Variants in MYCBPAP observed in about 807,000 individuals in gnomAD.
MYCBPAP encodes the protein MYCBP associated protein.
Under a neutral mutation model 106.1 loss-of-function variants are expected in MYCBPAP, and 60 were observed. That is an observed-to-expected ratio of 0.57 (90% confidence interval 0.46 to 0.70). MYCBPAP has a LOEUF of 0.70. MYCBPAP is among the 30% of genes least tolerant of loss of function. The probability of loss-of-function intolerance (pLI) is 0.00; values close to 1 mark genes in which losing one functional copy is unlikely to be tolerated. For synonymous variants in MYCBPAP, 407 were observed against 440.6 expected (o/e 0.92, Z 0.95); for missense variants, 1,064 against 1,169.3 (o/e 0.91, Z 1.31).
At chr17:50,520,009 T>C (rs1249947524) in intron 7 of MYCBPAP, 2 of 524,458 alleles carry the variant, frequency 3.8e-6, no homozygotes, top group Non-Finnish European at 6.7e-6. Flanking sequence ...AGTGCAGCCA[T>C]AGAGCTGCCG....
chr17:50,523,186 C>A, intron 11 of MYCBPAP, 58 bp downstream of exon 11: 1 of 1,547,460 alleles, frequency 6.5e-7, no homozygotes. Flanking sequence ...TTTTGTCCTC[C>A]GTGAGACATC....
chr17:50,522,182 G>T (rs531857680), intron 10 of MYCBPAP, 101 bp downstream of exon 10: 1 of 879,036 alleles, frequency 1.1e-6, no homozygotes, highest in Non-Finnish European at 1.8e-6. Flanking sequence ...TCCTGTTTGG[G>T]TTTTTATCTG....
Position 50,508,577 on chromosome 17 carries a change from G to T in MYCBPAP, c.-98G>T, listed in dbSNP as rs748934442. On this transcript the variant is annotated 5_prime_UTR_variant, in exon 1 of 19. Coordinates refer to ENST00000323776, the MANE Select transcript of MYCBPAP (RefSeq NM_032133.6). ...GCCCCCGCGCGGGGCACCGGTTGCT[G>T]TGGACGCAGTGGCGGCCGTTGGCTG... The T allele has an allele frequency of 3.2e-6, 5 of 1,552,228 alleles. No individual in the cohort carries two copies. The highest frequency in any genetic ancestry group is 4.4e-6 in the Non-Finnish European group (5 of 1,147,504).
At position 50,530,497 on chromosome 17, in the gene MYCBPAP, C is replaced by CAAAAAAA. The variant is rs10526790; in HGVS notation, c.2725-827_2725-821dup. Among the ~76,000 whole-genome samples the CAAAAAAA allele has an allele frequency of 2.5e-4, 26 of 105,918 alleles. 3 individuals carry two copies. The highest frequency in any genetic ancestry group is 4.0e-4 in the Admixed American group (4 of 9,982). The allele number at this position is 105,918 out of a possible 152,430, so 69.5% of individuals were successfully genotyped here. A position where few individuals can be genotyped will look rare whatever the true frequency, so the allele number is the denominator to read the frequency against. On this transcript the variant is annotated intron_variant, in intron 18 of 18. Transcript: ENST00000323776. Reference sequence around the variant, plus strand: ...GTGACAAGAGTGAGACTCTTACCTCCAAAAAAAAAGAATCAACTTGCTGGC... The same window carrying CAAAAAAA: ...GTGACAAGAGTGAGACTCTTACCTCCAAAAAAAAAAAAAAAAGAATCAACTTGCTGGC...
At chr17:50,514,574 C>T (rs1236872101) in intron 1 of MYCBPAP, among the ~76,000 whole-genome samples, 2 of 152,206 alleles carry the variant, frequency 1.3e-5, no homozygotes, top group African/African-American at 4.8e-5. Flanking sequence ...CTGTGACCCC[C>T]TTCTGCCCCG....
At chr17:50,516,462 C>G in intron 1 of MYCBPAP, 108 bp from the exon 2 acceptor site, 2 of 1,327,810 alleles carry the variant, frequency 1.5e-6, no homozygotes, top group Non-Finnish European at 2.0e-6. Flanking sequence ...CAGCTCTGCC[C>G]CCCACCATGG....
intron 13 of MYCBPAP, chr17:50,525,232 TC>T: frequency 2.0e-6 from 1 of 504,666 alleles, no homozygotes; most frequent in South Asian, 3.2e-5. Context: ...AATTGTACAC[TC>T]CTTATGAGAA....
At chr17:50,522,886 C>G in intron 10 of MYCBPAP, 53 bp from the exon 11 acceptor site, 1 of 1,553,292 alleles carries the variant, frequency 6.4e-7, no homozygotes, top group Non-Finnish European at 8.8e-7. Context: ...ATGAGTTGTT[C>G]ACTCTAGGCC....
chr17:50,522,464 GTGGGT>G, intron 10 of MYCBPAP: 2 of 169,300 alleles, frequency 1.2e-5, no homozygotes, highest in Admixed American at 5.6e-5. Context: ...GGAGGCTGAC[GTGGGT>G]GGATCACCTG....
rs1194633778 is a variant in MYCBPAP at position 50,508,594 on chromosome 17, C to T, written c.-81C>T. ...CGGTTGCTGTGGACGCAGTGGCGGC[C>T]GTTGGCTGGCGGGTGCGGCGCAGCC... On this transcript the variant is annotated 5_prime_UTR_variant, in exon 1 of 19. Transcript: ENST00000323776. 3 of 1,556,900 alleles carry T rather than the reference C, an allele frequency of 1.9e-6. No homozygotes were observed. In the East Asian group the frequency reaches 7.3e-5, roughly 38 times the overall value.
At chr17:50,518,439 C>T (rs574151877) in intron 4 of MYCBPAP, 102 bp from the exon 5 acceptor site, 115 of 1,011,876 alleles carry the variant, frequency 1.1e-4, no homozygotes, top group Admixed American at 9.1e-4. Flanking sequence ...GGACTCTCAG[C>T]GCAGTGGGAT....
At chr17:50,522,765 G>C (rs55844504) in intron 10 of MYCBPAP, 174 bp from the exon 11 acceptor site, 1 of 394,978 alleles carries the variant, frequency 2.5e-6, no homozygotes. Context: ...GGTAACCTCA[G>C]AGACAACCAC....
intron 1 of MYCBPAP, among the ~76,000 whole-genome samples, chr17:50,514,338 G>A (rs1010326185): frequency 2.6e-5 from 4 of 152,136 alleles, no homozygotes; most frequent in African/African-American, 9.7e-5. Context: ...TAAAGATTAC[G>A]GTGCTGTAAG....
chr17:50,513,699 A>C (rs916734897), intron 1 of MYCBPAP, among the ~76,000 whole-genome samples: 1 of 152,230 alleles, frequency 6.6e-6, no homozygotes, highest in Non-Finnish European at 1.5e-5. Context: ...TCACTTGGAA[A>C]GATGTCAACC....
chr17:50,508,550 G>GC lies in MYCBPAP; in HGVS notation c.-124dup. 6.5e-7 allele frequency: 1 copy of GC among 1,542,846 alleles called. No individual in the cohort carries two copies. The highest frequency in any genetic ancestry group is 8.7e-7 in the Non-Finnish European group (1 of 1,144,802). The stretch of plus-strand genomic sequence containing the variant: ...TCCGCCCAAGTTGATCGGTGGATGC[G>GC]CGCCCCCGCGCGGGGCACCGGTTGC... On this transcript the variant is annotated 5_prime_UTR_variant, in exon 1 of 19. Coordinates refer to ENST00000323776, the MANE Select transcript of MYCBPAP (RefSeq NM_032133.6).
chr17:50,519,654 T>G lies in MYCBPAP; in HGVS notation c.783T>G (p.Ser261Arg). The stretch of plus-strand genomic sequence containing the variant: ...TTCCTTGCCAGAGCTGGGAGAACAG[T>G]GGGTTCTGGAGTCGACTGGAATACT... Reference protein sequence around the residue: ...TRRDRKSWENSGFWSRLEYLG... With the variant: ...TRRDRKSWENRGFWSRLEYLG... The change falls in exon 7 of 19, where the codon AGT becomes AGG. Residue 261 changes from serine (S) to arginine (R), a missense_variant. Coordinates refer to ENST00000323776, the MANE Select transcript of MYCBPAP (RefSeq NM_032133.6). 1 of 1,613,884 alleles carries G rather than the reference T, an allele frequency of 6.2e-7. No homozygotes were observed.
intron 10 of MYCBPAP, chr17:50,522,725 T>TC: frequency 1.2e-5 from 1 of 80,006 alleles, no homozygotes. Context: ...TATATATATA[T>TC]TTGTTTTATC....
chr17:50,525,842 C>T, intron 13 of MYCBPAP, 39 bp from the exon 14 acceptor site: 1 of 1,544,172 alleles, frequency 6.5e-7, no homozygotes, highest in East Asian at 2.2e-5. Context: ...GCCTGCACCC[C>T]AGCCTCCCCC....
At chr17:50,522,838 T>C (rs540583378) in intron 10 of MYCBPAP, 101 bp from the exon 11 acceptor site, 2 of 1,186,858 alleles carry the variant, frequency 1.7e-6, no homozygotes, top group African/African-American at 1.5e-5. Flanking sequence ...GACACGAGAC[T>C]TGCAGTGCTA....
Sources: gnomAD v4.1 joint callset for allele counts (sites outside exome capture counted in the v4.1 genomes callset) on GRCh38, gnomAD v4.1.1 for gene constraint, MANE v1.5 for transcripts, NCBI Gene and HGNC (gene_info 2026-07-23, HGNC 2026-07-21) for gene names.